WDFY3: variants seen among roughly 807,000 people sequenced by gnomAD.
WDFY3 encodes WD repeat and FYVE domain-containing protein 3.
Under a neutral mutation model 409.6 loss-of-function variants are expected in WDFY3, and 66 were observed. That is an observed-to-expected ratio of 0.16 (90% CI 0.13 to 0.20). The LOEUF (loss-of-function observed/expected upper bound fraction) is 0.20. WDFY3 is among the 10% of genes least tolerant of loss of function. The pLI, the probability that WDFY3 is intolerant of heterozygous loss-of-function variation, is 1.00. For synonymous variants in WDFY3, 1,521 were observed against 1,537.1 expected (o/e 0.99, Z 0.25); for missense variants, 3,031 against 4,298.1 (o/e 0.71, Z 8.24).
intron 61 of WDFY3, 99 bp downstream of exon 61, chr4:84,690,407 T>G: frequency 6.4e-7 from 1 of 1,551,892 alleles, no homozygotes; most frequent in Non-Finnish European, 8.8e-7. Context: ...CCATTAGATC[T>G]GAAGTACCTC....
At chr4:84,702,728 T>G (rs1190581130) in intron 55 of WDFY3, among the ~76,000 whole-genome samples, 1 of 152,202 alleles carries the variant, frequency 6.6e-6, no homozygotes, top group Non-Finnish European at 1.5e-5. Context: ...ATAATCAAAC[T>G]GAAATCCAAA....
intron 2 of WDFY3, among the ~76,000 whole-genome samples, chr4:84,924,268 T>C (rs1281910452): frequency 6.6e-6 from 1 of 152,270 alleles, no homozygotes; most frequent in Non-Finnish European, 1.5e-5. Context: ...TAGGATACTA[T>C]CATTGCAGAG....
At chr4:84,904,099 C>T (rs1766693385) in intron 2 of WDFY3, among the ~76,000 whole-genome samples, 1 of 152,184 alleles carries the variant, frequency 6.6e-6, no homozygotes, top group Non-Finnish European at 1.5e-5. Flanking sequence ...TCCTTTGCCT[C>T]TTCCACATGT....
At chr4:84,936,990 C>T (rs1771499951) in intron 1 of WDFY3, among the ~76,000 whole-genome samples, 1 of 152,118 alleles carries the variant, frequency 6.6e-6, no homozygotes, top group Non-Finnish European at 1.5e-5. Context: ...CTGGCAAATA[C>T]ATTTCCAATC....
At chr4:84,769,195 C>T (rs745687108) in intron 30 of WDFY3, among the ~76,000 whole-genome samples, 11 of 152,124 alleles carry the variant, frequency 7.2e-5, no homozygotes, top group Non-Finnish European at 1.3e-4. Context: ...GGTCAAAATG[C>T]TTTGAACATT....
chr4:84,855,104 C>A (rs1759574164), intron 4 of WDFY3, among the ~76,000 whole-genome samples: 2 of 152,102 alleles, frequency 1.3e-5, no homozygotes, highest in African/African-American at 4.8e-5. Context: ...CCATATAATA[C>A]CCATTTAAAA....
chr4:84,896,719 C>T (rs551322457), intron 3 of WDFY3, among the ~76,000 whole-genome samples, 192 bp downstream of exon 3: 1 of 152,218 alleles, frequency 6.6e-6, no homozygotes, highest in African/African-American at 2.4e-5. Context: ...CTATTAGAAA[C>T]AGTTCTCAAG....
At chr4:84,692,780 A>G in intron 59 of WDFY3, 105 bp downstream of exon 59, 2 of 1,110,386 alleles carry the variant, frequency 1.8e-6, no homozygotes, top group South Asian at 3.4e-5. Context: ...GGCACTTATT[A>G]AACAAATTAT....
At position 84,672,566 on chromosome 4, in the gene WDFY3, G is replaced by A. The variant is rs752117338; in HGVS notation, c.*302C>T. 11 of 206,686 alleles carry A rather than the reference G, an allele frequency of 5.3e-5. No individual in the cohort carries two copies. Among genetic ancestry groups the A allele is most frequent in the Non-Finnish European group, 1.1e-4 (11 of 104,128 alleles). The allele number at this position is 206,686 out of a possible 1,614,324, so 12.8% of individuals were successfully genotyped here. Reference sequence around the variant, plus strand: ...TATAAAAATGAGATGCAAGAAAAGAGAGTTAATAAGTGAGGATTTTTCTCT... The same window carrying A: ...TATAAAAATGAGATGCAAGAAAAGAAAGTTAATAAGTGAGGATTTTTCTCT... On this transcript the variant is annotated 3_prime_UTR_variant, in exon 68 of 68. Coordinates refer to ENST00000295888, the MANE Select transcript of WDFY3 (RefSeq NM_014991.6).
intron 51 of WDFY3, among the ~76,000 whole-genome samples, chr4:84,711,423 T>C (rs965503669): frequency 4.6e-5 from 7 of 151,994 alleles, no homozygotes; most frequent in African/African-American, 1.4e-4. Flanking sequence ...AAAGGAAAAA[T>C]AGGCAAAAGA....
chr4:84,833,694 AAGAG>A (rs1756122913), intron 7 of WDFY3, among the ~76,000 whole-genome samples: 1 of 150,492 alleles, frequency 6.6e-6, no homozygotes, highest in Non-Finnish European at 1.5e-5. Flanking sequence ...AAGAAAAGAG[AAGAG>A]AAGAGAAGAG....
chr4:84,811,362 C>T, intron 13 of WDFY3, among the ~76,000 whole-genome samples: 1 of 152,166 alleles, frequency 6.6e-6, no homozygotes, highest in East Asian at 1.9e-4. Flanking sequence ...TTGCTATGTA[C>T]TAGGCACTCT....
intron 15 of WDFY3, among the ~76,000 whole-genome samples, chr4:84,806,875 G>A (rs1751601953): frequency 1.3e-5 from 2 of 152,070 alleles, no homozygotes; most frequent in Admixed American, 6.5e-5. Context: ...CTCCCAAAGT[G>A]CTAGGATTAC....
chr4:84,861,856 T>C (rs1760688072), intron 3 of WDFY3, among the ~76,000 whole-genome samples: 1 of 152,132 alleles, frequency 6.6e-6, no homozygotes, highest in Non-Finnish European at 1.5e-5. Flanking sequence ...ATGCCAGCAA[T>C]TGGCTAAGTG....
At chr4:84,862,061 C>T (rs1760720144) in intron 3 of WDFY3, among the ~76,000 whole-genome samples, 1 of 152,194 alleles carries the variant, frequency 6.6e-6, no homozygotes, top group Non-Finnish European at 1.5e-5. Flanking sequence ...AGGACTACAG[C>T]AAGGTTAGAG....
rs552952778 is a variant in WDFY3, at chr4:84,800,521, A to G, written c.2822+1129T>C. ...ACATTATTCATAATAAAAAGAAAAA[A>G]CTACTGATACATGTAACAACTTGTG... On this transcript the variant is annotated intron_variant, in intron 17 of 67. Transcript: ENST00000295888. Among the ~76,000 whole-genome samples the G allele has an allele frequency of 1.3e-4, 20 of 152,314 alleles. No individual in the cohort carries two copies. The East Asian group carries it at 3.9e-3, about 29-fold the overall frequency.
intron 1 of WDFY3, among the ~76,000 whole-genome samples, chr4:84,962,057 T>TGTCC (rs1016670530): frequency 8.5e-5 from 13 of 152,308 alleles, no homozygotes; most frequent in Non-Finnish European, 4.4e-5. Context: ...ACAACTCAAA[T>TGTCC]GTCCATCAGT....
At chr4:84,722,405 A>T (rs910755107) in intron 46 of WDFY3, among the ~76,000 whole-genome samples, 1 of 152,080 alleles carries the variant, frequency 6.6e-6, no homozygotes, top group Non-Finnish European at 1.5e-5. Flanking sequence ...TAAAAAATAA[A>T]CATGATTACA....
Position 84,868,171 on chromosome 4 carries a change from CAAAAAAAAAAAAAA to C in WDFY3, c.-31-7563_-31-7550del, listed in dbSNP as rs70943375. On this transcript the variant is annotated intron_variant, in intron 3 of 67. Coordinates refer to ENST00000295888, the MANE Select transcript of WDFY3 (RefSeq NM_014991.6). The stretch of plus-strand genomic sequence containing the variant: ...TGGGTGACAGAGCGAGACTCTGTCT[CAAAAAAAAAAAAAA>C]AAAAAAAAAAAAAAAAAAAAAGATT... 6.0e-3 allele frequency among the ~76,000 whole-genome samples: 231 copies of C among 38,448 alleles called. 1 individual carries two copies. The highest frequency in any genetic ancestry group is 0.021 in the African/African-American group (206 of 9,932). 25.2% of individuals were successfully genotyped at this position (38,448 alleles called of 152,430 possible).
Sources: allele counts gnomAD v4.1 joint callset (sites outside exome capture counted in the v4.1 genomes callset), GRCh38; gene constraint gnomAD v4.1.1; transcripts MANE v1.5; gene names NCBI Gene and HGNC (gene_info 2026-07-23, HGNC 2026-07-21).